Variants in PKP4 observed in about 807,000 individuals in gnomAD.
PKP4 encodes plakophilin 4.
A neutral mutation model predicts 145.1 loss-of-function variants in PKP4; 90 were observed. The observed-to-expected ratio is 0.62, with a 90% CI of 0.52 to 0.74. The LOEUF (loss-of-function observed/expected upper bound fraction) is 0.74, where lower values mean the gene tolerates loss of function less well. PKP4 is among the 30% of genes least tolerant of loss of function. The pLI is 0.00. For synonymous variants in PKP4, 563 were observed against 577.2 expected, an observed-to-expected ratio of 0.98 and a Z score of 0.35; for missense variants, 1,340 against 1,482.7, an observed-to-expected ratio of 0.90 and a Z score of 1.58.
At chr2:158,590,176 T>C (rs2049133647) in intron 3 of PKP4, among the ~76,000 whole-genome samples, 2 of 152,094 alleles carry the variant, frequency 1.3e-5, no homozygotes, top group Admixed American at 6.6e-5. Context: ...ACTCTAAAAC[T>C]GAAGCAGGAA....
At chr2:158,507,438 G>C (rs529837727) in intron 1 of PKP4, among the ~76,000 whole-genome samples, 1 of 152,174 alleles carries the variant, frequency 6.6e-6, no homozygotes, top group Non-Finnish European at 1.5e-5. Context: ...ACAGAGTACC[G>C]TGAAACCAGG....
At chr2:158,571,972 A>T (rs2047443900) in intron 2 of PKP4, among the ~76,000 whole-genome samples, 1 of 152,178 alleles carries the variant, frequency 6.6e-6, no homozygotes, top group African/African-American at 2.4e-5. Context: ...GTATCCTAAT[A>T]CTTCTGTTTG....
At position 158,663,077 on chromosome 2, in the gene PKP4, CAAG is replaced by C. The variant is rs2056756144; in HGVS notation, c.2397_2399del (p.Glu799del). 1.9e-6 allele frequency: 3 copies of C among 1,604,114 alleles called. No individual in the cohort carries two copies. Among genetic ancestry groups the C allele is most frequent in the South Asian group, 1.1e-5 (1 of 89,882 alleles). On this transcript the variant is annotated inframe_deletion, in exon 14 of 22. Transcript: ENST00000389759. ...GAAGAAAAAGAAAAAGAGGACTCCG[CAAG>C]AAGATCAAGTTAGCATTTTATTTTA...
At chr2:158,673,648 A>G (rs749597104) in intron 17 of PKP4, 29 bp from the exon 18 acceptor site, 1 of 1,539,692 alleles carries the variant, frequency 6.5e-7, no homozygotes, top group Non-Finnish European at 9.0e-7. Flanking sequence ...TGTCACCCAC[A>G]TTCATTAATA....
intron 3 of PKP4, among the ~76,000 whole-genome samples, chr2:158,595,789 A>T (rs2049675118): frequency 6.6e-6 from 1 of 152,138 alleles, no homozygotes; most frequent in Admixed American, 6.5e-5. Context: ...GTAGAGACAA[A>T]CTTAAGAATC....
chr2:158,616,469 A>G (rs1195198343), intron 4 of PKP4, among the ~76,000 whole-genome samples: 3 of 134,158 alleles, frequency 2.2e-5, no homozygotes, highest in Admixed American at 8.1e-5. Context: ...GTAACACAAC[A>G]GTTTCTACTC....
intron 1 of PKP4, among the ~76,000 whole-genome samples, chr2:158,468,770 C>CTTTTTTTTTT (rs58577988): frequency 1.8e-4 from 20 of 109,964 alleles, no homozygotes; most frequent in South Asian, 3.0e-4. Context: ...TCTTCTTCTT[C>CTTTTTTTTTT]TTTTTTTTTT....
chr2:158,623,503 T>A (rs991242973), intron 6 of PKP4, among the ~76,000 whole-genome samples: 9 of 152,140 alleles, frequency 5.9e-5, no homozygotes, highest in Non-Finnish European at 1.2e-4. Context: ...TTGTTAACTT[T>A]CCAGCTGTCT....
chr2:158,529,064 C>T (rs1030679969), intron 1 of PKP4, among the ~76,000 whole-genome samples: 1 of 152,194 alleles, frequency 6.6e-6, no homozygotes, highest in Non-Finnish European at 1.5e-5. Context: ...CTGCAATCAT[C>T]ATCGAGACTC....
In PKP4 at chr2:158,567,534, T is replaced by C. The variant is rs373209121; in HGVS notation, c.133-9737T>C. 3.3e-5 allele frequency among the ~76,000 whole-genome samples: 5 copies of C among 152,286 alleles called. No individual in the cohort carries two copies. In the East Asian group the frequency reaches 7.7e-4, roughly 24 times the overall value. On this transcript the variant is annotated intron_variant, in intron 2 of 21. Coordinates refer to ENST00000389759, the MANE Select transcript of PKP4 (RefSeq NM_003628.6). The stretch of plus-strand genomic sequence containing the variant: ...AGATTGAGATGATTTCAAATCTTGG[T>C]TTTGAGTGACCATAGGCAAGTCAGT...
chr2:158,523,969 A>G (rs2042696577), intron 1 of PKP4, among the ~76,000 whole-genome samples: 1 of 76,590 alleles, frequency 1.3e-5, no homozygotes, highest in African/African-American at 5.7e-5. Flanking sequence ...CCTCCAAGAA[A>G]TATGGGACTA....
chr2:158,526,849 A>C lies in PKP4; in HGVS notation c.-5-6331A>C, dbSNP rs965565917. Among the ~76,000 whole-genome samples, 8 of 71,488 alleles carry C rather than the reference A, an allele frequency of 1.1e-4. 2 individuals are homozygous for C. The highest frequency in any genetic ancestry group is 3.0e-4 in the African/African-American group (5 of 16,614). The allele number at this position is 71,488 out of a possible 152,430, so 46.9% of individuals were successfully genotyped here. On this transcript the variant is annotated intron_variant, in intron 1 of 21. Coordinates refer to ENST00000389759, the MANE Select transcript of PKP4 (RefSeq NM_003628.6). The stretch of plus-strand genomic sequence containing the variant: ...ATTCTTATACGCCAACAACAGACAA[A>C]CAGAGAGCCAAATCATGAGTGAACT...
At chr2:158,569,588 A>G (rs1279001755) in intron 2 of PKP4, among the ~76,000 whole-genome samples, 1 of 152,232 alleles carries the variant, frequency 6.6e-6, no homozygotes, top group Non-Finnish European at 1.5e-5. Context: ...TTTGTAAAAA[A>G]TATTTTAAAT....
At chr2:158,579,578 C>T (rs769521481) in intron 3 of PKP4, among the ~76,000 whole-genome samples, 1 of 152,012 alleles carries the variant, frequency 6.6e-6, no homozygotes, top group Non-Finnish European at 1.5e-5. Flanking sequence ...CAGGTGTGCA[C>T]AGTAAAACAG....
chr2:158,461,533 G>GT (rs1217994801), intron 1 of PKP4, among the ~76,000 whole-genome samples: 1 of 152,112 alleles, frequency 6.6e-6, no homozygotes, highest in Non-Finnish European at 1.5e-5. Flanking sequence ...CTGAGTTATT[G>GT]TAAGTCATGT....
intron 19 of PKP4, among the ~76,000 whole-genome samples, chr2:158,675,948 A>G (rs539229436): frequency 2.0e-5 from 3 of 152,180 alleles, no homozygotes; most frequent in Non-Finnish European, 2.9e-5. Flanking sequence ...GGGAAGCAAG[A>G]TGATTTTTTT....
chr2:158,482,173 A>G lies in PKP4; in HGVS notation c.-6+24955A>G, dbSNP rs148247856. On this transcript the variant is annotated intron_variant, in intron 1 of 21. Coordinates refer to ENST00000389759, the MANE Select transcript of PKP4 (RefSeq NM_003628.6). Reference sequence around the variant, plus strand: ...CATTTCAAGTGTTCAGTAGCCACGTATAGCTAGTGCCTACTATGCAGGACA... The same window carrying G: ...CATTTCAAGTGTTCAGTAGCCACGTGTAGCTAGTGCCTACTATGCAGGACA... 3.3e-5 allele frequency among the ~76,000 whole-genome samples: 5 copies of G among 152,368 alleles called. No homozygotes were observed. The East Asian group carries it at 9.6e-4, about 29-fold the overall frequency.
At chr2:158,654,347 T>C (rs1484134903) in intron 11 of PKP4, among the ~76,000 whole-genome samples, 1 of 152,216 alleles carries the variant, frequency 6.6e-6, no homozygotes, top group African/African-American at 2.4e-5. Context: ...TGTAAACATT[T>C]TTTTTTGGAA....
chr2:158,528,782 T>C (rs1485987238), intron 1 of PKP4, among the ~76,000 whole-genome samples: 3 of 151,574 alleles, frequency 2.0e-5, no homozygotes, highest in Non-Finnish European at 2.9e-5. Flanking sequence ...GGTCACAGGT[T>C]CATCTCTGAG....
Sources: allele counts gnomAD v4.1 joint callset (sites outside exome capture counted in the v4.1 genomes callset), GRCh38; gene constraint gnomAD v4.1.1; transcripts MANE v1.5; gene names NCBI Gene and HGNC (gene_info 2026-07-23, HGNC 2026-07-21).